IL1RAPL2: variants seen among roughly 807,000 people sequenced by gnomAD.
IL1RAPL2 encodes the protein interleukin 1 receptor accessory protein like 2.
IL1RAPL2 carries 3 observed loss-of-function variants against 44.1 expected under a neutral mutation model. The observed-to-expected ratio is 0.07, with a 90% confidence interval of 0.03 to 0.18. The LOEUF (loss-of-function observed/expected upper bound fraction) is 0.18. IL1RAPL2 is among the 10% of genes least tolerant of loss of function. The pLI is 1.00. For synonymous variants in IL1RAPL2, 181 were observed against 178.8 expected (o/e 1.01, Z -0.10); for missense variants, 391 against 496.4 (o/e 0.79, Z 2.02).
intron 2 of IL1RAPL2, among the ~76,000 whole-genome samples, chrX:104,695,341 G>C (rs1931160202): frequency 9.1e-6 from 1 of 109,803 alleles, no homozygotes. Flanking sequence ...CAGCAGGAGA[G>C]AGAGAGAAAG....
intron 2 of IL1RAPL2, among the ~76,000 whole-genome samples, chrX:104,884,469 C>G (rs957322552): frequency 7.2e-5 from 8 of 111,311 alleles, no homozygotes; most frequent in African/African-American, 2.6e-4. Context: ...AAACCATGGG[C>G]AATTTTGTCT....
rs199583433 is a variant in IL1RAPL2, at chrX:105,750,441, T to TTTATTATTATTA, written c.1192+1368_1192+1379dup. Among the ~76,000 whole-genome samples, 172 of 91,555 alleles carry TTTATTATTATTA rather than the reference T, an allele frequency of 1.9e-3. 1 individual carries two copies. The highest frequency in any genetic ancestry group is 6.8e-3 in the African/African-American group (153 of 22,477). 79.5% of individuals were successfully genotyped at this position (91,555 alleles called of 115,157 possible). On this transcript the variant is annotated intron_variant, in intron 9 of 10. Transcript: ENST00000372582. ...GGTGCATGCCACCATGCCTGGCCAA[T>TTTATTATTATTA]TTATTATTATTATTATTATTATTAT...
chrX:104,889,108 G>A (rs371208025), intron 2 of IL1RAPL2, among the ~76,000 whole-genome samples: 4 of 110,543 alleles, frequency 3.6e-5, no homozygotes, highest in African/African-American at 1.3e-4. Flanking sequence ...CATTCAGATG[G>A]CTTGTCCGCT....
chrX:105,146,517 G>A (rs2033180848), intron 2 of IL1RAPL2, among the ~76,000 whole-genome samples: 1 of 111,580 alleles, frequency 9.0e-6, no homozygotes, highest in Admixed American at 9.6e-5. Context: ...TACCCTTTCT[G>A]GCTTTCTAGT....
At chrX:105,439,502 A>G (rs985715216) in intron 5 of IL1RAPL2, among the ~76,000 whole-genome samples, 4 of 84,472 alleles carry the variant, frequency 4.7e-5, no homozygotes, top group Admixed American at 1.5e-4. Context: ...CCTTTACAAT[A>G]TAACTTTTGC....
intron 1 of IL1RAPL2, among the ~76,000 whole-genome samples, chrX:104,634,108 A>G (rs1317619856): frequency 8.9e-6 from 1 of 111,747 alleles, no homozygotes; most frequent in Admixed American, 9.5e-5. Flanking sequence ...TGTAGCCAGT[A>G]GTCATTCAGG....
chrX:104,903,139 T>A (rs1923866928), intron 2 of IL1RAPL2, among the ~76,000 whole-genome samples: 1 of 112,111 alleles, frequency 8.9e-6, no homozygotes, highest in Non-Finnish European at 1.9e-5. Flanking sequence ...TATTCCACTA[T>A]GGATTTGCTA....
chrX:104,950,164 C>G (rs930215401), intron 2 of IL1RAPL2, among the ~76,000 whole-genome samples: 3 of 111,772 alleles, frequency 2.7e-5, no homozygotes, highest in African/African-American at 9.8e-5. Context: ...GATCCCTTTA[C>G]CATTATGTAA....
At chrX:104,734,884 C>A (rs1389816299) in intron 2 of IL1RAPL2, among the ~76,000 whole-genome samples, 1 of 111,893 alleles carries the variant, frequency 8.9e-6, no homozygotes, top group Admixed American at 9.4e-5. Context: ...GGGCCTCAAA[C>A]AGGCCCACTT....
chrX:105,199,361 G>T, intron 3 of IL1RAPL2, among the ~76,000 whole-genome samples: 1 of 104,736 alleles, frequency 9.5e-6, no homozygotes. Flanking sequence ...AGATGCTCCA[G>T]GTTTATCTTA....
intron 7 of IL1RAPL2, among the ~76,000 whole-genome samples, chrX:105,739,503 C>G (rs1384707854): frequency 1.4e-5 from 1 of 71,509 alleles, no homozygotes; most frequent in Non-Finnish European, 2.6e-5. Flanking sequence ...CCCCCCTCCC[C>G]CCACCCCACA....
intron 6 of IL1RAPL2, among the ~76,000 whole-genome samples, chrX:105,579,170 C>T (rs1363452960): frequency 9.8e-5 from 11 of 111,705 alleles, no homozygotes; most frequent in Non-Finnish European, 2.1e-4. Context: ...ATTTTTCTGT[C>T]TGTATTGTCA....
intron 2 of IL1RAPL2, among the ~76,000 whole-genome samples, chrX:104,955,028 G>A (rs1466297779): frequency 8.9e-6 from 1 of 112,426 alleles, no homozygotes; most frequent in Non-Finnish European, 1.9e-5. Context: ...GCAAATTAGA[G>A]GGCAGGGTTT....
At chrX:105,263,878 G>A (rs774666200) in intron 4 of IL1RAPL2, among the ~76,000 whole-genome samples, 1 of 111,585 alleles carries the variant, frequency 9.0e-6, no homozygotes, top group East Asian at 2.9e-4. Context: ...TAAATAGTAG[G>A]GGGATTACAC....
chrX:105,445,817 GTCT>G (rs2035950722), intron 5 of IL1RAPL2, among the ~76,000 whole-genome samples: 1 of 111,068 alleles, frequency 9.0e-6, no homozygotes, highest in African/African-American at 3.3e-5. Context: ...GCAGCATATG[GTCT>G]TCTTTGGTTT....
intron 10 of IL1RAPL2, among the ~76,000 whole-genome samples, chrX:105,764,319 A>G: frequency 8.9e-6 from 1 of 111,904 alleles, no homozygotes; most frequent in East Asian, 2.8e-4. Context: ...AAAATATAAT[A>G]GATGGATGAA....
intron 6 of IL1RAPL2, among the ~76,000 whole-genome samples, chrX:105,618,876 A>C (rs762291670): frequency 1.8e-5 from 2 of 111,472 alleles, no homozygotes; most frequent in Non-Finnish European, 3.8e-5. Context: ...CCCCTTCAAC[A>C]AAAGACTTAT....
rs1459501438 is a variant in IL1RAPL2 at position 105,636,405 on chromosome X, T to C, written c.773-80962T>C. 6.3e-5 allele frequency among the ~76,000 whole-genome samples: 7 copies of C among 111,611 alleles called. No homozygotes were observed. The Admixed American group carries it at 6.7e-4, about 11-fold the overall frequency. ...ACTAAATATAATTAATTAGGAATTA[T>C]AAGTAATGAATGAATTAAGGTGCCA... On this transcript the variant is annotated intron_variant, in intron 6 of 10. Transcript: ENST00000372582.
In IL1RAPL2 at chrX:104,659,003, G is replaced by A. The variant is rs1216896090; in HGVS notation, c.82+8G>A. 6.0e-6 allele frequency: 7 copies of A among 1,175,189 alleles called. No homozygotes were observed. Among genetic ancestry groups the A allele is most frequent in the Non-Finnish European group, 8.1e-6 (7 of 864,365 alleles). On this transcript the variant is annotated splice_region_variant and intron_variant, in intron 2 of 10. Coordinates refer to ENST00000372582, the MANE Select transcript of IL1RAPL2 (RefSeq NM_017416.2). ...TGTCAAAGAGAAATTCTGGTAAGTT[G>A]CTGGCAACTTGCCACTATTTGGTCA...
Sources: gnomAD v4.1 joint callset for allele counts (sites outside exome capture counted in the v4.1 genomes callset) on GRCh38, gnomAD v4.1.1 for gene constraint, MANE v1.5 for transcripts, NCBI Gene and HGNC (gene_info 2026-07-23, HGNC 2026-07-21) for gene names.